The following ATE1 variants were observed in gnomAD, a reference collection of about 807,000 sequenced individuals.
ATE1 encodes arginyl-tRNA--protein transferase 1.
ATE1 carries 36 observed loss-of-function variants against 70.5 expected under a neutral mutation model. The ratio of observed to expected loss-of-function variants is 0.51; its 90% CI spans 0.39 to 0.67. The LOEUF (loss-of-function observed/expected upper bound fraction) is 0.67, where lower values mean the gene tolerates loss of function less well. ATE1 is among the 30% of genes least tolerant of loss of function. The pLI is 0.00. For missense variants in ATE1, 593 were observed against 629.5 expected, an observed-to-expected ratio of 0.94 and a Z score of 0.62; for synonymous variants, 232 against 219.3, an observed-to-expected ratio of 1.06 and a Z score of -0.51.
chr10:121,843,380 T>C (rs1432825542), intron 8 of ATE1, among the ~76,000 whole-genome samples: 1 of 152,202 alleles, frequency 6.6e-6, no homozygotes, highest in Admixed American at 6.5e-5. Flanking sequence ...GATATATACA[T>C]TTAATGTAAT....
intron 10 of ATE1, among the ~76,000 whole-genome samples, chr10:121,826,918 T>C (rs915543422): frequency 1.3e-5 from 2 of 152,220 alleles, no homozygotes; most frequent in African/African-American, 2.4e-5. Context: ...TCCAGCTGCA[T>C]CCTTGTTGCT....
chr10:121,771,749 T>A (rs1436416711), intron 11 of ATE1, among the ~76,000 whole-genome samples: 4 of 152,210 alleles, frequency 2.6e-5, no homozygotes, highest in African/African-American at 9.7e-5. Flanking sequence ...CATTCATTTC[T>A]ATCTGCTCTC....
chr10:121,801,144 C>T (rs1946862233), intron 10 of ATE1, among the ~76,000 whole-genome samples: 1 of 152,200 alleles, frequency 6.6e-6, no homozygotes, highest in Non-Finnish European at 1.5e-5. Flanking sequence ...TGAAAGCCAA[C>T]AGATGTACTC....
At chr10:121,771,132 C>T (rs373208436) in intron 11 of ATE1, among the ~76,000 whole-genome samples, 121 of 152,182 alleles carry the variant, frequency 8.0e-4, no homozygotes, top group South Asian at 2.5e-3. Flanking sequence ...AGTGCAGTGG[C>T]GCAATCTCCG....
intron 1 of ATE1, among the ~76,000 whole-genome samples, 180 bp downstream of exon 1, chr10:121,927,664 A>T (rs1765867708): frequency 1.3e-5 from 2 of 152,140 alleles, no homozygotes; most frequent in Non-Finnish European, 2.9e-5. Context: ...TTCCTGCAGA[A>T]CAGGCACCGC....
In ATE1 at chr10:121,743,464, G is replaced by C. The variant is rs1281670981; in HGVS notation, c.*216C>G. On this transcript the variant is annotated 3_prime_UTR_variant, in exon 12 of 12. Coordinates refer to ENST00000224652, the MANE Select transcript of ATE1 (RefSeq NM_001001976.3). ...CTCCAAAATGATAAATCCCAATTAT[G>C]GGGGCTAGGTCATAATGCAGTTTTA... 1.6e-5 allele frequency: 14 copies of C among 885,750 alleles called. No homozygotes were observed. The East Asian group carries it at 4.8e-4, about 30-fold the overall frequency. 54.9% of individuals were successfully genotyped at this position (885,750 alleles called of 1,614,324 possible). A position where few individuals can be genotyped will look rare whatever the true frequency, so the allele number is the denominator to read the frequency against.
intron 8 of ATE1, among the ~76,000 whole-genome samples, chr10:121,846,314 T>C (rs1425318816): frequency 6.6e-6 from 1 of 152,108 alleles, no homozygotes; most frequent in Non-Finnish European, 1.5e-5. Flanking sequence ...ATATATATGA[T>C]TGAATAAATT....
At chr10:121,881,317 A>G (rs1193951216) in intron 7 of ATE1, among the ~76,000 whole-genome samples, 7 of 152,146 alleles carry the variant, frequency 4.6e-5, no homozygotes, top group Admixed American at 4.6e-4. Flanking sequence ...CAGTATTTTT[A>G]TAAGTTAGTG....
At chr10:121,787,781 A>G (rs1946273692) in intron 11 of ATE1, among the ~76,000 whole-genome samples, 2 of 152,200 alleles carry the variant, frequency 1.3e-5, no homozygotes, top group South Asian at 4.1e-4. Context: ...GTTTGTTAGT[A>G]TTTATTCTGG....
chr10:121,853,147 G>A (rs971547173), intron 8 of ATE1, among the ~76,000 whole-genome samples: 24 of 152,070 alleles, frequency 1.6e-4, no homozygotes, highest in African/African-American at 5.1e-4. Flanking sequence ...GGCCGATCAC[G>A]AGGTCAGGAG....
At chr10:121,764,399 C>T (rs1047780660) in intron 11 of ATE1, among the ~76,000 whole-genome samples, 14 of 150,446 alleles carry the variant, frequency 9.3e-5, no homozygotes, top group African/African-American at 2.4e-4. Context: ...CCCTTTGGGA[C>T]GCCAAGACAA....
chr10:121,879,303 G>A lies in ATE1; in HGVS notation c.943-9265C>T, dbSNP rs913438935. On this transcript the variant is annotated intron_variant, in intron 7 of 11. Transcript: ENST00000224652. ...GCTCTTTATAGAGGTGTCTGTCAAC[G>A]AGCTTCCTTTATCTGAGCCTCTTCC... 3.3e-5 allele frequency among the ~76,000 whole-genome samples: 5 copies of A among 152,206 alleles called. No homozygotes were observed. In the East Asian group the frequency reaches 7.7e-4, roughly 24 times the overall value.
At chr10:121,885,260 CAAAAAAAA>C (rs1212899309) in intron 7 of ATE1, among the ~76,000 whole-genome samples, 9 of 33,392 alleles carry the variant, frequency 2.7e-4, no homozygotes, top group South Asian at 2.0e-3. Context: ...GACTCCGTCT[CAAAAAAAA>C]AAAAAAAAAA....
intron 7 of ATE1, chr10:121,898,962 A>G: frequency 1.2e-6 from 2 of 1,613,398 alleles, no homozygotes; most frequent in Non-Finnish European, 1.7e-6. Flanking sequence ...GACAGGTACT[A>G]ACCTCACCTT....
At chr10:121,818,828 A>G (rs567414637) in intron 10 of ATE1, among the ~76,000 whole-genome samples, 1 of 152,342 alleles carries the variant, frequency 6.6e-6, no homozygotes, top group South Asian at 2.1e-4. Flanking sequence ...TACACGACAG[A>G]CACAACCACA....
chr10:121,788,528 T>A (rs1432459617), intron 11 of ATE1, among the ~76,000 whole-genome samples: 1 of 152,158 alleles, frequency 6.6e-6, no homozygotes, highest in Non-Finnish European at 1.5e-5. Context: ...CATGGGCCAA[T>A]TTTTTTACAC....
chr10:121,861,831 G>GT (rs551842898), intron 8 of ATE1, among the ~76,000 whole-genome samples: 1 of 151,612 alleles, frequency 6.6e-6, no homozygotes, highest in Non-Finnish European at 1.5e-5. Flanking sequence ...CTGAAGTACC[G>GT]TAAGCCCTCA....
At chr10:121,918,631 A>G (rs1241314258) in intron 3 of ATE1, among the ~76,000 whole-genome samples, 1 of 152,212 alleles carries the variant, frequency 6.6e-6, no homozygotes, top group East Asian at 1.9e-4. Context: ...TGCTAATTGA[A>G]GACAAATGAC....
At chr10:121,899,368 T>C (rs1950895348) in intron 7 of ATE1, among the ~76,000 whole-genome samples, 1 of 152,232 alleles carries the variant, frequency 6.6e-6, no homozygotes, top group Non-Finnish European at 1.5e-5. Flanking sequence ...TATTAGCATA[T>C]GAGTTCTTCT....
Sources: allele counts gnomAD v4.1 joint callset (sites outside exome capture counted in the v4.1 genomes callset), GRCh38; gene constraint gnomAD v4.1.1; transcripts MANE v1.5; gene names NCBI Gene and HGNC (gene_info 2026-07-23, HGNC 2026-07-21).